ZNF737: variants seen among roughly 807,000 people sequenced by gnomAD.
ZNF737 encodes the protein zinc finger protein 737.
Under a neutral mutation model 11.7 loss-of-function variants are expected in ZNF737, and 13 were observed. The observed-to-expected ratio is 1.11, with a 90% CI of 0.73 to 1.77. The LOEUF is 1.77. Ranked by LOEUF, ZNF737 falls within the 40% of genes most tolerant of loss-of-function variation. The probability of loss-of-function intolerance (pLI) is 0.00; values close to 1 mark genes in which losing one functional copy is unlikely to be tolerated. For synonymous variants in ZNF737, 217 were observed against 216.2 expected, an observed-to-expected ratio of 1.00 and a Z score of -0.03; for missense variants, 636 against 638.0, an observed-to-expected ratio of 1.00 and a Z score of 0.03.
At chr19:20,560,997 T>A (rs1244290921) in intron 1 of ZNF737, among the ~76,000 whole-genome samples, 1 of 151,962 alleles carries the variant, frequency 6.6e-6, no homozygotes, top group Non-Finnish European at 1.5e-5. Context: ...GACAAAATAA[T>A]CTGCACGCAA....
chr19:20,541,846 A>G lies in ZNF737; in HGVS notation c.*2746T>C, dbSNP rs572751904. On this transcript the variant is annotated 3_prime_UTR_variant, in exon 4 of 4. Coordinates refer to ENST00000427401, the MANE Select transcript of ZNF737 (RefSeq NM_001159293.2). ...ATATAATTACACTATTGGTAATACAAAAGATAAATGCTAGAGGTGATGGAT... is the reference window on the plus strand; with the variant it reads ...ATATAATTACACTATTGGTAATACAGAAGATAAATGCTAGAGGTGATGGAT... The G allele has an allele frequency of 1.6e-5, 3 of 192,892 alleles. No individual in the cohort carries two copies. The highest frequency in any genetic ancestry group is 3.6e-4 in the South Asian group (2 of 5,488). The allele number at this position is 192,892 out of a possible 1,614,324, so 11.9% of individuals were successfully genotyped here. A position where few individuals can be genotyped will look rare whatever the true frequency, so the allele number is the denominator to read the frequency against.
chr19:20,559,346 C>T (rs561589286), intron 1 of ZNF737, among the ~76,000 whole-genome samples: 45 of 152,024 alleles, frequency 3.0e-4, no homozygotes, highest in Non-Finnish European at 5.9e-4. Flanking sequence ...CAAAACCAAA[C>T]GACCTCATTA....
chr19:20,545,624 T>A lies in ZNF737; in HGVS notation c.579A>T (p.Lys193Asn), dbSNP rs782771573. The change falls in exon 4 of 4, where the codon AAA (lysine) becomes AAT (asparagine). Residue 193 changes from lysine (K) to asparagine (N), a missense_variant. Coordinates refer to ENST00000427401, the MANE Select transcript of ZNF737 (RefSeq NM_001159293.2). Reference sequence around the variant, plus strand: ...TGAAGGGTTTCTCCCCAGTATGAATTTTCTTATGTGTAGTAAGGGTTGAAG... The same window carrying A: ...TGAAGGGTTTCTCCCCAGTATGAATATTCTTATGTGTAGTAAGGGTTGAAG... Reference protein sequence around the residue: ...NQSSTLTTHKKIHTGEKPFKC... With the variant: ...NQSSTLTTHKNIHTGEKPFKC... 1.2e-6 allele frequency: 2 copies of A among 1,613,946 alleles called. No individual in the cohort carries two copies. Among genetic ancestry groups the A allele is most frequent in the East Asian group, 4.5e-5 (2 of 44,892 alleles).
In ZNF737 at chr19:20,544,421, T is replaced by TCCC; in HGVS notation, c.*170_*171insGGG. 1 of 1,446,514 alleles carries TCCC rather than the reference T, an allele frequency of 6.9e-7. No homozygotes were observed. Among genetic ancestry groups the TCCC allele is most frequent in the Non-Finnish European group, 9.0e-7 (1 of 1,106,344 alleles). 89.6% of individuals were successfully genotyped at this position (1,446,514 alleles called of 1,614,324 possible). A position where few individuals can be genotyped will look rare whatever the true frequency, so the allele number is the denominator to read the frequency against. On this transcript the variant is annotated 3_prime_UTR_variant, in exon 4 of 4. Coordinates refer to ENST00000427401, the MANE Select transcript of ZNF737 (RefSeq NM_001159293.2). ...CCTTAAAGGCTTTGCTGCATTTTCTTATTTGTTGGGTTTCTTTCCCGCATG... is the reference window on the plus strand; with the variant it reads ...CCTTAAAGGCTTTGCTGCATTTTCTTCCCATTTGTTGGGTTTCTTTCCCGCATG...
chr19:20,533,182 A>T (rs1333499628), downstream of ZNF737, among the ~76,000 whole-genome samples: 5 of 150,188 alleles, frequency 3.3e-5, no homozygotes, highest in Admixed American at 6.6e-5. Flanking sequence ...GAAGCGCACA[A>T]CAAAGCCCAG....
At position 20,543,072 on chromosome 19, in the gene ZNF737, T is replaced by C; in HGVS notation, c.*1520A>G. The stretch of plus-strand genomic sequence containing the variant: ...AATGTCTGAAGTGTCGGGGCCTTAG[T>C]TATTCTACTGTAAACTCTCTTGATA... On this transcript the variant is annotated 3_prime_UTR_variant, in exon 4 of 4. Coordinates refer to ENST00000427401, the MANE Select transcript of ZNF737 (RefSeq NM_001159293.2). The C allele has an allele frequency of 1.0e-6, 1 of 982,250 alleles. No individual in the cohort carries two copies. Among genetic ancestry groups the C allele is most frequent in the African/African-American group, 1.7e-5 (1 of 57,278 alleles). 60.8% of individuals were successfully genotyped at this position (982,250 alleles called of 1,614,324 possible).
In ZNF737 at chr19:20,540,625, G is replaced by T. The variant is rs377488302; in HGVS notation, c.*3967C>A. The T allele has an allele frequency of 1.2e-4, 21 of 179,030 alleles. No individual in the cohort carries two copies. In the East Asian group the frequency reaches 3.4e-3, roughly 29 times the overall value. The allele number at this position is 179,030 out of a possible 1,614,324, so 11.1% of individuals were successfully genotyped here. On this transcript the variant is annotated 3_prime_UTR_variant, in exon 4 of 4. Coordinates refer to ENST00000427401, the MANE Select transcript of ZNF737 (RefSeq NM_001159293.2). ...AATACAAAAATTAGTCAGACGTGGTGGTGCATGCCTGTAATCCCAGCTACT... is the reference window on the plus strand; with the variant it reads ...AATACAAAAATTAGTCAGACGTGGTTGTGCATGCCTGTAATCCCAGCTACT...
In ZNF737 at chr19:20,539,446, T is replaced by C; in HGVS notation, c.*5146A>G. 2.0e-6 allele frequency: 2 copies of C among 985,446 alleles called. No individual in the cohort carries two copies. Among genetic ancestry groups the C allele is most frequent in the Non-Finnish European group, 2.4e-6 (2 of 829,938 alleles). The allele number at this position is 985,446 out of a possible 1,614,324, so 61.0% of individuals were successfully genotyped here. A position where few individuals can be genotyped will look rare whatever the true frequency, so the allele number is the denominator to read the frequency against. The stretch of plus-strand genomic sequence containing the variant: ...AAATCTTGCCTTTGTTTCTTGTTAG[T>C]CATCTGGCCATTTCTGTAAGTACGG... On this transcript the variant is annotated 3_prime_UTR_variant, in exon 4 of 4. Coordinates refer to ENST00000427401, the MANE Select transcript of ZNF737 (RefSeq NM_001159293.2).
chr19:20,546,517 A>C (rs559866399), intron 3 of ZNF737, among the ~76,000 whole-genome samples: 1 of 152,312 alleles, frequency 6.6e-6, no homozygotes, highest in South Asian at 2.1e-4. Flanking sequence ...GCCACACACA[A>C]AACTCTCCAG....
At chr19:20,556,117 G>C (rs957848444) in intron 1 of ZNF737, among the ~76,000 whole-genome samples, 2 of 152,012 alleles carry the variant, frequency 1.3e-5, no homozygotes, top group African/African-American at 4.8e-5. Context: ...ATCCATTTCT[G>C]CTACAGTAAT....
At chr19:20,530,870 G>A (rs1477992735), downstream of ZNF737, among the ~76,000 whole-genome samples, 1 of 148,322 alleles carries the variant, frequency 6.7e-6, no homozygotes, top group Admixed American at 6.7e-5. Flanking sequence ...GGGGGGCCAA[G>A]GCAGGCGGCT....
At position 20,542,055 on chromosome 19, in the gene ZNF737, A is replaced by G; in HGVS notation, c.*2537T>C. On this transcript the variant is annotated 3_prime_UTR_variant, in exon 4 of 4. Coordinates refer to ENST00000427401, the MANE Select transcript of ZNF737 (RefSeq NM_001159293.2). ...TCATTTGCAGTTTAAAGCCACTGAC[A>G]GTGATTACTAAAGATGTTATTTTAC... 1 of 985,232 alleles carries G rather than the reference A, an allele frequency of 1.0e-6. No individual in the cohort carries two copies. Among genetic ancestry groups the G allele is most frequent in the Non-Finnish European group, 1.2e-6 (1 of 829,746 alleles). The allele number at this position is 985,232 out of a possible 1,614,324, so 61.0% of individuals were successfully genotyped here. A position where few individuals can be genotyped will look rare whatever the true frequency, so the allele number is the denominator to read the frequency against.
rs534157699 is a variant in ZNF737, at chr19:20,551,771, T to C, written c.226+704A>G. ...ATAAAAAAATGAAAAAATTAGAAGA[T>C]CCAAACAAATTTTAAAATATTTTAT... On this transcript the variant is annotated intron_variant, in intron 3 of 3. Coordinates refer to ENST00000427401, the MANE Select transcript of ZNF737 (RefSeq NM_001159293.2). Among the ~76,000 whole-genome samples, 51 of 151,484 alleles carry C rather than the reference T, an allele frequency of 3.4e-4. 1 individual carries two copies. In the East Asian group the frequency reaches 6.2e-3, roughly 18 times the overall value.
chr19:20,531,146 C>T (rs1179719474), downstream of ZNF737, among the ~76,000 whole-genome samples: 7 of 144,920 alleles, frequency 4.8e-5, no homozygotes, highest in African/African-American at 1.8e-4. Flanking sequence ...GAGAATCAGG[C>T]AGGGAGGTTG....
chr19:20,530,447 C>T, the ZNF737 span, among the ~76,000 whole-genome samples: 7 of 149,484 alleles, frequency 4.7e-5, 2 homozygotes, highest in South Asian at 4.3e-4. Flanking sequence ...GGCTGCCGGG[C>T]GGAGACGCTC....
chr19:20,544,896 CA>C lies in ZNF737; in HGVS notation c.1306del (p.Cys436AlafsTer94), dbSNP rs1968374430. On this transcript the variant is annotated frameshift_variant, in exon 4 of 4. Transcript: ENST00000427401. LOFTEE classifies it low-confidence loss of function (END_TRUNC). ...KCEECGKAFK[C>X]FSILTTHKRI... Reference sequence around the variant, plus strand: ...CTTATGTGTAGTAAGGATAGAGAAGCACTTAAAGGCCTTGCCACATTCTTCA... The same window carrying C: ...CTTATGTGTAGTAAGGATAGAGAAGCCTTAAAGGCCTTGCCACATTCTTCA... The C allele has an allele frequency of 6.2e-7, 1 of 1,606,798 alleles. No homozygotes were observed. The highest frequency in any genetic ancestry group is 1.4e-5 in the African/African-American group (1 of 72,606).
At chr19:20,535,862 A>AAG, downstream of ZNF737, 1 of 159,398 alleles carries the variant, frequency 6.3e-6, no homozygotes, top group East Asian at 1.9e-4. Context: ...TGTAAAAAAA[A>AAG]AAAAAAAATT....
chr19:20,555,217 CTG>C (rs1164349714), intron 1 of ZNF737, among the ~76,000 whole-genome samples: 2 of 143,640 alleles, frequency 1.4e-5, no homozygotes, highest in African/African-American at 5.2e-5. Flanking sequence ...GAAAATCACT[CTG>C]TTGCCCAGGC....
chr19:20,561,564 C>T (rs1313845497), intron 1 of ZNF737, among the ~76,000 whole-genome samples: 7 of 152,120 alleles, frequency 4.6e-5, no homozygotes, highest in African/African-American at 1.4e-4. Flanking sequence ...CAGCAGAGCT[C>T]CCATTCCCAA....
Sources: allele counts gnomAD v4.1 joint callset (sites outside exome capture counted in the v4.1 genomes callset), GRCh38; gene constraint gnomAD v4.1.1; transcripts MANE v1.5; gene names NCBI Gene and HGNC (gene_info 2026-07-23, HGNC 2026-07-21).